COL12A1: variants seen among roughly 807,000 people sequenced by gnomAD.
The protein encoded by COL12A1 is collagen alpha-1(XII) chain.
COL12A1 carries 114 observed loss-of-function variants against 349.7 expected under a neutral mutation model. The observed-to-expected ratio is 0.33, with a 90% CI of 0.28 to 0.38. The LOEUF is 0.38. Ranked by LOEUF, COL12A1 falls within the 10% of genes least tolerant of loss-of-function variation. The pLI is 1.00. For missense variants in COL12A1, 3,284 were observed against 3,756.9 expected, an observed-to-expected ratio of 0.87 and a Z score of 3.29; for synonymous variants, 1,369 against 1,329.0, an observed-to-expected ratio of 1.03 and a Z score of -0.66.
Position 75,133,294 on chromosome 6 carries a change from T to G in COL12A1, c.5793A>C (p.Thr1931=), listed in dbSNP as rs199632288. 6 of 1,583,802 alleles carry G rather than the reference T, an allele frequency of 3.8e-6. No individual in the cohort carries two copies. The Admixed American group carries it at 5.4e-5, about 14-fold the overall frequency. Residue 1931 remains threonine, a splice_region_variant and synonymous_variant, in exon 34 of 66, where the codon ACA becomes ACC. Coordinates refer to ENST00000322507, the MANE Select transcript of COL12A1 (RefSeq NM_004370.6). ...DGGRTSDTGR[T]LMRGLARNVQ... ...TAATTTTTTGGCTTTATTACTTACATGTCCTTCCAGTATCTGATGTGCGTC... is the reference window on the plus strand; with the variant it reads ...TAATTTTTTGGCTTTATTACTTACAGGTCCTTCCAGTATCTGATGTGCGTC...
chr6:75,122,237 T>A (rs985563272), intron 43 of COL12A1, among the ~76,000 whole-genome samples: 3 of 152,118 alleles, frequency 2.0e-5, no homozygotes, highest in Non-Finnish European at 4.4e-5. Flanking sequence ...TAAGAAAAAA[T>A]TCCAAAAACA....
intron 34 of COL12A1, 63 bp from the exon 35 acceptor site, chr6:75,132,145 C>A: frequency 6.4e-7 from 1 of 1,567,756 alleles, no homozygotes; most frequent in South Asian, 1.2e-5. Context: ...GCTTTTGTAT[C>A]ACTTTTCCAG....
rs181969230 is a variant in COL12A1 at position 75,155,871 on chromosome 6, A to G, written c.3251-17T>C. 1.9e-6 allele frequency: 3 copies of G among 1,575,426 alleles called. No homozygotes were observed. The East Asian group carries it at 6.8e-5, about 36-fold the overall frequency. On this transcript the variant is annotated splice_polypyrimidine_tract_variant and intron_variant, in intron 15 of 65. Coordinates refer to ENST00000322507, the MANE Select transcript of COL12A1 (RefSeq NM_004370.6). ...ACCGAGAAGCTGTAAAGACAAAAAG[A>G]TTTTTAAAATATTATCTGTAAGACT...
At chr6:75,143,190 TTC>T in intron 26 of COL12A1, 60 bp downstream of exon 26, 4 of 1,583,946 alleles carry the variant, frequency 2.5e-6, no homozygotes, top group Non-Finnish European at 3.4e-6. Context: ...CTTGATAAAG[TTC>T]TTTTTTTAAA....
chr6:75,094,076 T>C (rs1226160599), intron 60 of COL12A1, among the ~76,000 whole-genome samples: 1 of 152,220 alleles, frequency 6.6e-6, no homozygotes, highest in Non-Finnish European at 1.5e-5. Context: ...AACGTAATTA[T>C]GGTTTTTGTC....
chr6:75,129,138 T>C lies in COL12A1; in HGVS notation c.6211-713A>G, dbSNP rs150637418. ...TAAAGGGAAATTGCATATTTGTCCA[T>C]GGCAAGGCTGAACAAACACTAACCA... On this transcript the variant is annotated intron_variant, in intron 37 of 65. Transcript: ENST00000322507. Among the ~76,000 whole-genome samples, 24 of 152,370 alleles carry C rather than the reference T, an allele frequency of 1.6e-4. No homozygotes were observed. The East Asian group carries it at 4.4e-3, about 28-fold the overall frequency.
chr6:75,094,597 A>T (rs1398384702), intron 60 of COL12A1, among the ~76,000 whole-genome samples: 1 of 152,218 alleles, frequency 6.6e-6, no homozygotes, highest in African/African-American at 2.4e-5. Flanking sequence ...GGGGCAGGAC[A>T]GTATTAAAAA....
At chr6:75,140,976 A>C (rs537169793) in intron 27 of COL12A1, among the ~76,000 whole-genome samples, 1 of 152,346 alleles carries the variant, frequency 6.6e-6, no homozygotes, top group South Asian at 2.1e-4. Flanking sequence ...GATTTTGAAG[A>C]ACTGTTACAG....
chr6:75,089,985 G>A, intron 63 of COL12A1, 125 bp downstream of exon 63: 1 of 978,598 alleles, frequency 1.0e-6, no homozygotes, highest in South Asian at 1.5e-5. Flanking sequence ...CTCTTCTGAG[G>A]CTGTCCAAAC....
intron 12 of COL12A1, 49 bp downstream of exon 12, chr6:75,177,614 C>T: frequency 1.2e-6 from 2 of 1,610,554 alleles, no homozygotes; most frequent in Non-Finnish European, 1.7e-6. Flanking sequence ...ATTTTCCCCT[C>T]TAGTCTAAGA....
At position 75,153,898 on chromosome 6, in the gene COL12A1, A is replaced by G. The variant is rs193132596; in HGVS notation, c.3565+518T>C. On this transcript the variant is annotated intron_variant, in intron 17 of 65. Coordinates refer to ENST00000322507, the MANE Select transcript of COL12A1 (RefSeq NM_004370.6). ...AACCTAACACTGCTTACCCAGCCCA[A>G]ATAAAACATTTCTGCAATTACTTTA... Among the ~76,000 whole-genome samples, 124 of 152,274 alleles carry G rather than the reference A, an allele frequency of 8.1e-4. 1 individual carries two copies. The highest frequency in any genetic ancestry group is 2.0e-3 in the African/African-American group (83 of 41,576).
At chr6:75,191,877 C>T (rs1769949111) in intron 4 of COL12A1, 117 bp from the exon 5 acceptor site, 2 of 565,710 alleles carry the variant, frequency 3.5e-6, no homozygotes, top group Non-Finnish European at 5.6e-6. Flanking sequence ...ATGGCTCTGC[C>T]CAGCTGGTCA....
rs74652428 is a variant in COL12A1, at chr6:75,119,866, A to G, written c.7087-393T>C. 5.3e-5 allele frequency among the ~76,000 whole-genome samples: 8 copies of G among 152,268 alleles called. No individual in the cohort carries two copies. The East Asian group carries it at 1.4e-3, about 26-fold the overall frequency. ...AGCCAACTGCTACTTCCCACTGACT[A>G]TATCCGTTCTTTATGGCAATACAGA... On this transcript the variant is annotated intron_variant, in intron 44 of 65. Coordinates refer to ENST00000322507, the MANE Select transcript of COL12A1 (RefSeq NM_004370.6).
chr6:75,123,333 C>T lies in COL12A1; in HGVS notation c.6943G>A (p.Asp2315Asn). The change falls in exon 43 of 66, where the codon GAT (aspartate) becomes AAT (asparagine). Residue 2315 changes from aspartate (D) to asparagine (N), a missense_variant. This residue lies in a region of COL12A1 where 2,601 missense variants were observed against 2,824.8 expected (regional missense o/e 0.92). Transcript: ENST00000322507. ...TTGCCTATTTAGCTGTACTTACCAT[C>T]CCGGGCTGGTGGAATGGTGGGAGGG... ...PPPPTIPPARDVCKGAKADIV... is the reference protein window; with the variant it reads ...PPPPTIPPARNVCKGAKADIV... 1 of 1,608,970 alleles carries T rather than the reference C, an allele frequency of 6.2e-7. No individual in the cohort carries two copies. The highest frequency in any genetic ancestry group is 1.1e-5 in the South Asian group (1 of 89,834).
Position 75,183,414 on chromosome 6 carries a change from G to C in COL12A1, c.1527C>G (p.Thr509=), listed in dbSNP as rs1385525874. Residue 509 remains threonine (T), a synonymous_variant, in exon 10 of 66, where the codon ACC becomes ACG. Transcript: ENST00000322507. The stretch of plus-strand genomic sequence containing the variant: ...TTGTAGATCCTCCTCTGTAAGGGAA[G>C]GTGTTTATTGCTTCAATTATATCTT... The part of the protein sequence containing the change: ...KVEDIIEAIN[T]FPYRGGSTNT... The C allele has an allele frequency of 6.2e-7, 1 of 1,614,154 alleles. No homozygotes were observed. The highest frequency in any genetic ancestry group is 8.5e-7 in the Non-Finnish European group (1 of 1,180,030).
At chr6:75,205,578 CT>C in intron 1 of COL12A1, among the ~76,000 whole-genome samples, 198 bp downstream of exon 1, 1 of 152,288 alleles carries the variant, frequency 6.6e-6, no homozygotes, top group South Asian at 2.1e-4. Flanking sequence ...CAACATTCCC[CT>C]CTCCCTCAAA....
At chr6:75,121,274 G>A (rs1475887093) in intron 44 of COL12A1, 28 bp downstream of exon 44, 14 of 1,540,718 alleles carry the variant, frequency 9.1e-6, no homozygotes, top group East Asian at 2.3e-5. Flanking sequence ...CATCACAAAT[G>A]AGTAGCCACT....
At chr6:75,143,227 A>C in intron 26 of COL12A1, 25 bp downstream of exon 26, 1 of 1,612,032 alleles carries the variant, frequency 6.2e-7, no homozygotes, top group Non-Finnish European at 8.5e-7. Context: ...AAATATTTTC[A>C]TATCTACTAT....
chr6:75,131,914 G>T, intron 35 of COL12A1, 26 bp downstream of exon 35: 2 of 1,612,088 alleles, frequency 1.2e-6, no homozygotes, highest in Non-Finnish European at 1.7e-6. Flanking sequence ...ACCAGGAAAT[G>T]CAGTTTCCAT....
Sources: gnomAD v4.1 joint callset for allele counts (sites outside exome capture counted in the v4.1 genomes callset) on GRCh38, gnomAD v4.1.1 for gene constraint, gnomAD v4.1.1 regional missense constraint, MANE v1.5 for transcripts, NCBI Gene and HGNC (gene_info 2026-07-23, HGNC 2026-07-21) for gene names.